SLC44A1: variants seen among roughly 807,000 people sequenced by gnomAD.
The protein encoded by SLC44A1 is solute carrier family 44 member 1.
Under a neutral mutation model 79.3 loss-of-function variants are expected in SLC44A1, and 26 were observed. That is an observed-to-expected ratio of 0.33 (90% confidence interval 0.24 to 0.46). The LOEUF (loss-of-function observed/expected upper bound fraction) is 0.46, where lower values mean the gene tolerates loss of function less well. Ranked by LOEUF, SLC44A1 falls within the 20% of genes least tolerant of loss-of-function variation. The pLI, the probability that SLC44A1 is intolerant of heterozygous loss-of-function variation, is 1.00. For synonymous variants in SLC44A1, 263 were observed against 286.2 expected (o/e 0.92, Z 0.82); for missense variants, 688 against 798.1 (o/e 0.86, Z 1.66).
At chr9:105,416,065 C>G (rs1402386585) in intron 15 of SLC44A1, among the ~76,000 whole-genome samples, 1 of 151,794 alleles carries the variant, frequency 6.6e-6, no homozygotes, top group Non-Finnish European at 1.5e-5. Context: ...CCATGCCCAG[C>G]TAGTTTTTAT....
intron 15 of SLC44A1, among the ~76,000 whole-genome samples, chr9:105,435,416 G>T (rs1438759692): frequency 2.6e-5 from 4 of 152,084 alleles, no homozygotes; most frequent in Admixed American, 2.6e-4. Context: ...TATAGGTTTG[G>T]GGTAGGTAAT....
intron 3 of SLC44A1, among the ~76,000 whole-genome samples, chr9:105,324,153 C>T (rs572084517): frequency 2.0e-5 from 3 of 152,178 alleles, no homozygotes; most frequent in Admixed American, 6.5e-5. Flanking sequence ...AGGCGCCCGC[C>T]ACCACGCCCG....
intron 12 of SLC44A1, among the ~76,000 whole-genome samples, chr9:105,369,189 A>G (rs1588840613): frequency 6.6e-6 from 1 of 152,370 alleles, no homozygotes; most frequent in East Asian, 1.9e-4. Flanking sequence ...TCAGGCTTCT[A>G]TAACAAAATA....
chr9:105,411,376 T>TC (rs1829091871), intron 15 of SLC44A1, among the ~76,000 whole-genome samples: 1 of 151,704 alleles, frequency 6.6e-6, no homozygotes, highest in South Asian at 2.1e-4. Flanking sequence ...GCTTCCCTTT[T>TC]CCTACCTCTC....
chr9:105,402,105 T>C (rs1828966300), downstream of SLC44A1, among the ~76,000 whole-genome samples: 1 of 152,192 alleles, frequency 6.6e-6, no homozygotes, highest in South Asian at 2.1e-4. Flanking sequence ...AGATGTGCGT[T>C]TGCACCAAGA....
At chr9:105,376,804 T>A (rs1039740062) in intron 13 of SLC44A1, among the ~76,000 whole-genome samples, 1 of 152,234 alleles carries the variant, frequency 6.6e-6, no homozygotes, top group Admixed American at 6.5e-5. Flanking sequence ...AGTGAAGGGC[T>A]TTTGTTAAGT....
chr9:105,358,163 A>G (rs1200659006), intron 6 of SLC44A1, among the ~76,000 whole-genome samples, 181 bp from the exon 7 acceptor site: 1 of 152,186 alleles, frequency 6.6e-6, no homozygotes, highest in Non-Finnish European at 1.5e-5. Context: ...GAGTGATGCT[A>G]TTTAAGTGGT....
At chr9:105,276,564 C>CTGTGTGTGTGTGTGTG (rs1564409372) in intron 1 of SLC44A1, among the ~76,000 whole-genome samples, 2 of 64,000 alleles carry the variant, frequency 3.1e-5, no homozygotes, top group South Asian at 6.7e-4. Context: ...GGATGGGGAG[C>CTGTGTGTGTGTGTGTG]CGTGTGTGTG....
rs150021961 is a variant in SLC44A1, at chr9:105,358,366, G to C, written c.693G>C (p.Val231=). The C allele has an allele frequency of 1.0e-5, 16 of 1,582,758 alleles. No homozygotes were observed. In the African/African-American group the frequency reaches 1.6e-4, roughly 16 times the overall value. The change falls in exon 7 of 16, where the codon GTG becomes GTC. Residue 231 remains valine (V), a synonymous_variant. Coordinates refer to ENST00000374720, the MANE Select transcript of SLC44A1 (RefSeq NM_080546.5). ...LSLVLSMILM[V]IIRYISRVLV... is the part of the protein sequence containing the mutation. ...CAGTTCTATCCATGATTTTGATGGTGATAATCAGGTATATATCAAGAGTAC... is the reference window on the plus strand; with the variant it reads ...CAGTTCTATCCATGATTTTGATGGTCATAATCAGGTATATATCAAGAGTAC...
intron 7 of SLC44A1, among the ~76,000 whole-genome samples, chr9:105,360,573 A>G (rs1398847618): frequency 6.6e-6 from 1 of 152,184 alleles, no homozygotes; most frequent in African/African-American, 2.4e-5. Context: ...CTCCCTCTTC[A>G]GTCTGGTTCT....
At chr9:105,379,073 A>G (rs1476934549) in intron 13 of SLC44A1, among the ~76,000 whole-genome samples, 1 of 152,194 alleles carries the variant, frequency 6.6e-6, no homozygotes, top group Non-Finnish European at 1.5e-5. Context: ...CCAGGAGTCC[A>G]AGACCAGCTT....
chr9:105,256,458 T>C (rs1226353873), intron 1 of SLC44A1, among the ~76,000 whole-genome samples: 1 of 152,166 alleles, frequency 6.6e-6, no homozygotes, highest in Non-Finnish European at 1.5e-5. Flanking sequence ...AAGTAGTGTT[T>C]CAGGGCTAAT....
At chr9:105,429,959 T>C (rs912096401) in intron 15 of SLC44A1, among the ~76,000 whole-genome samples, 4 of 152,126 alleles carry the variant, frequency 2.6e-5, no homozygotes, top group African/African-American at 9.7e-5. Context: ...TGCAGTGGCA[T>C]GATTACAGCT....
chr9:105,271,439 G>T (rs1830074051), intron 1 of SLC44A1, among the ~76,000 whole-genome samples: 2 of 152,144 alleles, frequency 1.3e-5, no homozygotes, highest in African/African-American at 4.8e-5. Flanking sequence ...TGGTCTTAAA[G>T]GATGAATAAT....
chr9:105,323,036 AACACCCCGTCT>A (rs2131335129), intron 3 of SLC44A1, among the ~76,000 whole-genome samples: 1 of 150,278 alleles, frequency 6.7e-6, no homozygotes, highest in African/African-American at 2.4e-5. Flanking sequence ...CAGCCTGGCC[AACACCCCGTCT>A]ATTAAAAAAA....
At chr9:105,405,510 G>A (rs1010659882) in intron 15 of SLC44A1, among the ~76,000 whole-genome samples, 2 of 152,110 alleles carry the variant, frequency 1.3e-5, no homozygotes, top group African/African-American at 4.8e-5. Context: ...ATTTCAGTAA[G>A]AGCATTGAGG....
intron 4 of SLC44A1, among the ~76,000 whole-genome samples, chr9:105,343,326 G>T (rs1344788726): frequency 1.3e-5 from 2 of 152,098 alleles, no homozygotes; most frequent in African/African-American, 4.8e-5. Context: ...CATGAAGCTT[G>T]TGTTTTCTTA....
In SLC44A1 at chr9:105,383,177, C is replaced by T; in HGVS notation, c.1687C>T (p.Gln563Ter). The change falls in exon 14 of 16, where the codon CAG (glutamine) becomes TAG (stop). Residue 563 changes from glutamine (Q) to a stop codon, truncating the protein, a stop_gained. Transcript: ENST00000374720. LOFTEE classifies it high-confidence loss of function. ...TGGGATTATGCTGCTCAACTACCAGCAGGACTACACAGTATGGGTGCTGCC... is the reference window on the plus strand; with the variant it reads ...TGGGATTATGCTGCTCAACTACCAGTAGGACTACACAGTATGGGTGCTGCC... ...LAGIMLLNYQ[Q>*]DYTVWVLPLI... is the part of the protein sequence containing the mutation. 6.2e-7 allele frequency: 1 copy of T among 1,614,170 alleles called. No individual in the cohort carries two copies. Among genetic ancestry groups the T allele is most frequent in the Non-Finnish European group, 8.5e-7 (1 of 1,180,010 alleles).
intron 3 of SLC44A1, among the ~76,000 whole-genome samples, chr9:105,312,118 CCTTTATACATATTTGTTG>C (rs1404548312): frequency 6.6e-6 from 1 of 152,164 alleles, no homozygotes; most frequent in Non-Finnish European, 1.5e-5. Context: ...CTTACTAAGA[CCTTTATACATATTTGTTG>C]AAAAAGTCAA....
Sources: allele counts gnomAD v4.1 joint callset (sites outside exome capture counted in the v4.1 genomes callset), GRCh38; gene constraint gnomAD v4.1.1; transcripts MANE v1.5; gene names NCBI Gene and HGNC (gene_info 2026-07-23, HGNC 2026-07-21).